Variants in SVEP1 observed in about 807,000 individuals in gnomAD.
SVEP1 encodes sushi, von Willebrand factor type A, EGF and pentraxin domain containing 1.
A neutral mutation model predicts 367.3 loss-of-function variants in SVEP1; 164 were observed. That is an observed-to-expected ratio of 0.45 (90% CI 0.39 to 0.51). The LOEUF (loss-of-function observed/expected upper bound fraction) is 0.51, where lower values mean the gene tolerates loss of function less well. SVEP1 is among the 20% of genes least tolerant of loss of function. SVEP1 has a pLI of 0.00. For synonymous variants in SVEP1, 1,666 were observed against 1,611.6 expected (o/e 1.03, Z -0.81); for missense variants, 4,117 against 4,425.3 (o/e 0.93, Z 1.98).
Position 110,457,370 on chromosome 9 carries a change from AAATC to A in SVEP1, c.3577-22_3577-19del, listed in dbSNP as rs761468244. 96 of 1,583,792 alleles carry A rather than the reference AAATC, an allele frequency of 6.1e-5. No homozygotes were observed. Among genetic ancestry groups the A allele is most frequent in the Non-Finnish European group, 8.0e-5 (93 of 1,156,720 alleles). ...TGGAAAACCTACCAGTAGCATAAAA[AAATC>A]AATCAGAGACAAAGCACTCTATTTA... On this transcript the variant is annotated intron_variant, in intron 20 of 47. Transcript: ENST00000374469.
Position 110,377,271 on chromosome 9 carries a change from G to C in SVEP1, c.10504C>G (p.Pro3502Ala), listed in dbSNP as rs373165052. The change falls in exon 45 of 48, where the codon CCA (proline) becomes GCA (alanine). Residue 3502 changes from proline (P) to alanine (A), a missense_variant and splice_region_variant. By Grantham distance (27) the Pro-to-Ala change is conservative. Coordinates refer to ENST00000374469, the MANE Select transcript of SVEP1 (RefSeq NM_153366.4). ...AAGTAAGATCTGAAGAGCAACTCAC[G>C]TTCTTCACAGAGGCGCCCCATCCAG... ...EGWMGRLCEEPICILPCLNGG... is the reference protein window; with the variant it reads ...EGWMGRLCEEAICILPCLNGG... The C allele has an allele frequency of 6.2e-7, 1 of 1,613,036 alleles. No homozygotes were observed. The highest frequency in any genetic ancestry group is 8.5e-7 in the Non-Finnish European group (1 of 1,179,322).
chr9:110,399,141 T>C (rs1827817502), intron 40 of SVEP1, among the ~76,000 whole-genome samples: 1 of 152,146 alleles, frequency 6.6e-6, no homozygotes, highest in African/African-American at 2.4e-5. Context: ...GTGGCATATA[T>C]ACACCATGGA....
chr9:110,472,434 C>A, intron 14 of SVEP1, 111 bp from the exon 15 acceptor site: 1 of 1,051,172 alleles, frequency 9.5e-7, no homozygotes. Context: ...TCCTCAAATG[C>A]CCATAACATA....
intron 6 of SVEP1, 93 bp from the exon 7 acceptor site, chr9:110,499,331 G>C: frequency 8.5e-7 from 1 of 1,173,780 alleles, no homozygotes; most frequent in Non-Finnish European, 1.2e-6. Flanking sequence ...CAATTATGCT[G>C]CCTTAGGATT....
At chr9:110,391,719 C>G (rs1225303791) in intron 40 of SVEP1, among the ~76,000 whole-genome samples, 2 of 152,180 alleles carry the variant, frequency 1.3e-5, no homozygotes, top group African/African-American at 4.8e-5. Flanking sequence ...CTAAGAAACT[C>G]TTTACAAATA....
intron 39 of SVEP1, among the ~76,000 whole-genome samples, chr9:110,402,064 C>A (rs1384266013): frequency 1.3e-5 from 2 of 151,904 alleles, no homozygotes; most frequent in Non-Finnish European, 2.9e-5. Context: ...TTGCAGAAAT[C>A]TTTCTGGGTA....
Position 110,450,079 on chromosome 9 carries a change from T to A in SVEP1, c.4083A>T (p.Lys1361Asn). The A allele has an allele frequency of 6.2e-7, 1 of 1,613,918 alleles. No homozygotes were observed. Among genetic ancestry groups the A allele is most frequent in the Non-Finnish European group, 8.5e-7 (1 of 1,179,800 alleles). Reference protein sequence around the residue: ...SQPCKNGATCKDGANSFRCLC... With the variant: ...SQPCKNGATCNDGANSFRCLC... The stretch of plus-strand genomic sequence containing the variant: ...TTTACCTGAAGCTATTGGCACCGTC[T>A]TTACAGGTAGCTCCATTTTTGCATG... The change falls in exon 24 of 48, where the codon AAA (lysine) becomes AAT (asparagine). Residue 1361 changes from lysine (K) to asparagine (N), a missense_variant. Around this residue, in one of 4 missense-constraint regions of SVEP1, gnomAD observed 2,174 missense variants for 2,494.3 expected, o/e 0.87. Coordinates refer to ENST00000374469, the MANE Select transcript of SVEP1 (RefSeq NM_153366.4).
intron 20 of SVEP1, among the ~76,000 whole-genome samples, chr9:110,457,614 A>G (rs1395908371): frequency 1.3e-5 from 2 of 152,210 alleles, no homozygotes; most frequent in Non-Finnish European, 2.9e-5. Flanking sequence ...AATACAATTG[A>G]TATTTTGAAG....
chr9:110,429,238 C>A lies in SVEP1; in HGVS notation c.5712G>T (p.Lys1904Asn), dbSNP rs775867817. The A allele has an allele frequency of 1.9e-6, 3 of 1,596,486 alleles. No individual in the cohort carries two copies. The Admixed American group carries it at 5.2e-5, about 28-fold the overall frequency. ...TATTTATATTTTCCGGACTAGAACA[C>A]TTCACTGGTTCACACACAGGAGGGG... is the stretch of plus-strand genomic sequence containing the variant. ...SHSPPVCEPV[K>N]CSSPENINNG... Residue 1904 changes from lysine (K) to asparagine (N), a missense_variant, in exon 35 of 48, where the codon AAG becomes AAT. Lys to Asn is a moderately conservative substitution (Grantham distance 94). Coordinates refer to ENST00000374469, the MANE Select transcript of SVEP1 (RefSeq NM_153366.4).
Position 110,472,214 on chromosome 9 carries a change from A to C in SVEP1, c.2709T>G (p.Ile903Met). ...TSIGNAKSSR[I>M]KRSAPLSDYK... The stretch of plus-strand genomic sequence containing the variant: ...AGTCAGATAATGGGGCACTTCTTTT[A>C]ATCCGTGAGGACTTGGCATTGCCGA... Residue 903 changes from isoleucine (I) to methionine (M), a missense_variant, in exon 15 of 48, where the codon ATT becomes ATG. Coordinates refer to ENST00000374469, the MANE Select transcript of SVEP1 (RefSeq NM_153366.4). 1.9e-6 allele frequency: 3 copies of C among 1,613,642 alleles called. No homozygotes were observed. The highest frequency in any genetic ancestry group is 2.5e-6 in the Non-Finnish European group (3 of 1,179,800).
Position 110,549,969 on chromosome 9 carries a change from T to G in SVEP1, c.667A>C (p.Ile223Leu), listed in dbSNP as rs372203521. Residue 223 changes from isoleucine (I) to leucine (L), a missense_variant, in exon 2 of 48, where the codon ATA (isoleucine) becomes CTA (leucine). By Grantham distance (5) the Ile-to-Leu change is conservative. This residue lies in a region of SVEP1 where 2,174 missense variants were observed against 2,494.3 expected (regional missense o/e 0.87). Coordinates refer to ENST00000374469, the MANE Select transcript of SVEP1 (RefSeq NM_153366.4). Reference protein sequence around the residue: ...DSGVEIFTFGIWQGNIRELND... With the variant: ...DSGVEIFTFGLWQGNIRELND... Reference sequence around the variant, plus strand: ...AGCTCTCGAATGTTCCCTTGCCATATGCCAAAAGTGAAGATCTCCACTCCT... The same window carrying G: ...AGCTCTCGAATGTTCCCTTGCCATAGGCCAAAAGTGAAGATCTCCACTCCT... The G allele has an allele frequency of 5.0e-5, 81 of 1,613,870 alleles. No homozygotes were observed. Among genetic ancestry groups the G allele is most frequent in the Non-Finnish European group, 6.9e-5 (81 of 1,179,896 alleles).
chr9:110,535,421 C>T (rs1024402174), intron 3 of SVEP1, among the ~76,000 whole-genome samples: 5 of 152,034 alleles, frequency 3.3e-5, no homozygotes, highest in African/African-American at 1.2e-4. Flanking sequence ...TTACTGTAGG[C>T]CCATAGTATA....
chr9:110,465,820 A>T, intron 18 of SVEP1, 45 bp downstream of exon 18: 1 of 1,587,994 alleles, frequency 6.3e-7, no homozygotes. Context: ...CATGCATAGA[A>T]CCTAGTAGGT....
chr9:110,443,259 A>G (rs549340793), intron 27 of SVEP1: 28 of 299,250 alleles, frequency 9.4e-5, no homozygotes, highest in Non-Finnish European at 1.5e-4. Flanking sequence ...CCAGTAATTA[A>G]TCTCCTTAGA....
chr9:110,411,227 A>C lies in SVEP1; in HGVS notation c.6484T>G (p.Tyr2162Asp). 6.2e-7 allele frequency: 1 copy of C among 1,613,988 alleles called. No homozygotes were observed. ...IMNGYASGSN[Y>D]SFGAMVAYSC... ...TAAGCCACCATGGCTCCAAAACTGTAGTTTGATCCACTTGCATAGCCATTC... is the reference window on the plus strand; with the variant it reads ...TAAGCCACCATGGCTCCAAAACTGTCGTTTGATCCACTTGCATAGCCATTC... Residue 2162 changes from tyrosine to aspartate, a missense_variant, in exon 37 of 48, where the codon TAC becomes GAC. Tyr to Asp is a radical substitution (Grantham distance 160, BLOSUM62 -3). Coordinates refer to ENST00000374469, the MANE Select transcript of SVEP1 (RefSeq NM_153366.4).
At chr9:110,554,031 TA>T (rs1234551089) in intron 1 of SVEP1, among the ~76,000 whole-genome samples, 1 of 152,206 alleles carries the variant, frequency 6.6e-6, no homozygotes, top group Non-Finnish European at 1.5e-5. Flanking sequence ...TTACTTTTAT[TA>T]AACAGGATAA....
In SVEP1 at chr9:110,400,947, T is replaced by C; in HGVS notation, c.9729A>G (p.Lys3243=). Residue 3243 remains lysine, a synonymous_variant, in exon 40 of 48, where the codon AAA becomes AAG. Coordinates refer to ENST00000374469, the MANE Select transcript of SVEP1 (RefSeq NM_153366.4). ...DESCSPVSCG[K]PESPEHGFVV... ...CAAATCCATGTTCTGGACTTTCAGG[T>C]TTCCCACAAGAAACTGGACTGCAAG... is the stretch of plus-strand genomic sequence containing the variant. The C allele has an allele frequency of 6.2e-7, 1 of 1,613,918 alleles. No individual in the cohort carries two copies. Among genetic ancestry groups the C allele is most frequent in the South Asian group, 1.1e-5 (1 of 91,076 alleles).
chr9:110,542,145 T>C (rs4146547), intron 3 of SVEP1, among the ~76,000 whole-genome samples: 8,500 of 152,134 alleles, frequency 0.056, 393 homozygotes, highest in African/African-American at 0.12. Flanking sequence ...CAGTGTCTGT[T>C]GTCTCTGAGA....
chr9:110,429,597 C>T (rs993589086), intron 34 of SVEP1, among the ~76,000 whole-genome samples: 3 of 151,942 alleles, frequency 2.0e-5, no homozygotes, highest in African/African-American at 4.8e-5. Context: ...ACAGGGAATC[C>T]TTGGCTTGAG....
Sources: gnomAD v4.1 joint callset for allele counts (sites outside exome capture counted in the v4.1 genomes callset) on GRCh38, gnomAD v4.1.1 for gene constraint, gnomAD v4.1.1 regional missense constraint, MANE v1.5 for transcripts, NCBI Gene and HGNC (gene_info 2026-07-23, HGNC 2026-07-21) for gene names.